The following ADAMTS19 variants were observed in gnomAD, a reference collection of about 807,000 sequenced individuals.
The protein encoded by ADAMTS19 is A disintegrin and metalloproteinase with thrombospondin motifs 19.
Under a neutral mutation model 153.3 loss-of-function variants are expected in ADAMTS19, and 93 were observed. The observed-to-expected ratio is 0.61, with a 90% CI of 0.51 to 0.72. The LOEUF (loss-of-function observed/expected upper bound fraction) is 0.72, where lower values mean the gene tolerates loss of function less well. Ranked by LOEUF, ADAMTS19 falls within the 30% of genes least tolerant of loss-of-function variation. The pLI, the probability that ADAMTS19 is intolerant of heterozygous loss-of-function variation, is 0.00. For synonymous variants in ADAMTS19, 600 were observed against 556.6 expected, an observed-to-expected ratio of 1.08 and a Z score of -1.10; for missense variants, 1,482 against 1,552.1, an observed-to-expected ratio of 0.95 and a Z score of 0.76.
intron 2 of ADAMTS19, among the ~76,000 whole-genome samples, chr5:129,490,060 GGGCAATTTGTACATTAATTTTTCA>G (rs1315467939): frequency 6.6e-6 from 1 of 152,106 alleles, no homozygotes; most frequent in Admixed American, 6.6e-5. Flanking sequence ...TTGTACTCAT[GGGCAATTTGTACATTAATTTTTCA>G]GGCAGATCTG....
At chr5:129,574,308 A>G (rs770865782) in intron 7 of ADAMTS19, among the ~76,000 whole-genome samples, 4 of 152,132 alleles carry the variant, frequency 2.6e-5, no homozygotes, top group Admixed American at 6.6e-5. Flanking sequence ...TATTTCTTCT[A>G]AAAATAAATA....
intron 2 of ADAMTS19, among the ~76,000 whole-genome samples, chr5:129,505,381 A>G (rs1024804387): frequency 6.6e-6 from 1 of 152,138 alleles, no homozygotes; most frequent in African/African-American, 2.4e-5. Flanking sequence ...TGTTCCTTCT[A>G]ACTTTTTAGT....
At chr5:129,698,437 G>A (rs978243112) in intron 19 of ADAMTS19, among the ~76,000 whole-genome samples, 1 of 152,120 alleles carries the variant, frequency 6.6e-6, no homozygotes, top group African/African-American at 2.4e-5. Context: ...GGCATTCTAT[G>A]GGTGAAATAT....
intron 6 of ADAMTS19, among the ~76,000 whole-genome samples, chr5:129,529,371 A>G (rs1254911486): frequency 6.6e-6 from 1 of 152,178 alleles, no homozygotes; most frequent in East Asian, 1.9e-4. Context: ...ATTTTCTGAA[A>G]TGAAATCATT....
intron 11 of ADAMTS19, among the ~76,000 whole-genome samples, chr5:129,645,885 A>ATTTTTTTTTTT (rs529444004): frequency 1.6e-4 from 16 of 97,102 alleles, no homozygotes; most frequent in African/African-American, 4.9e-4. Flanking sequence ...TCCTTTTCCA[A>ATTTTTTTTTTT]TTTTTTTTTT....
intron 14 of ADAMTS19, among the ~76,000 whole-genome samples, chr5:129,656,417 A>G (rs1036385147): frequency 6.6e-6 from 1 of 152,254 alleles, no homozygotes; most frequent in Non-Finnish European, 1.5e-5. Flanking sequence ...CCAAAGCTGA[A>G]TGTAGCATTC....
intron 7 of ADAMTS19, among the ~76,000 whole-genome samples, chr5:129,571,860 A>G (rs72790612): frequency 0.086 from 13,028 of 151,870 alleles, 635 homozygotes; most frequent in Middle Eastern, 0.15. Flanking sequence ...CCACACAAAT[A>G]GGGGCCAATT....
intron 9 of ADAMTS19, among the ~76,000 whole-genome samples, chr5:129,621,569 G>C (rs1330735832): frequency 6.6e-6 from 1 of 152,122 alleles, no homozygotes; most frequent in Non-Finnish European, 1.5e-5. Flanking sequence ...GTCTAGAGAA[G>C]AGCACTCAGA....
Position 129,622,249 on chromosome 5 carries a change from T to G in ADAMTS19, c.1671T>G (p.Ser557=), listed in dbSNP as rs370566361. The G allele has an allele frequency of 6.2e-7, 1 of 1,614,058 alleles. No individual in the cohort carries two copies. Among genetic ancestry groups the G allele is most frequent in the Non-Finnish European group, 8.5e-7 (1 of 1,180,012 alleles). Reference sequence around the variant, plus strand: ...AAACAAATCCGCAGAGTGTCAATTCTGTGATGGTTCCCTCCAAGCTGCCAG... The same window carrying G: ...AAACAAATCCGCAGAGTGTCAATTCGGTGATGGTTCCCTCCAAGCTGCCAG... ...LLQTNPQSVN[S]VMVPSKLPGM... Residue 557 remains serine (S), a synonymous_variant, in exon 10 of 23, where the codon TCT becomes TCG. Coordinates refer to ENST00000274487, the MANE Select transcript of ADAMTS19 (RefSeq NM_133638.6).
At chr5:129,504,342 T>A (rs142090739) in intron 2 of ADAMTS19, among the ~76,000 whole-genome samples, 1 of 152,312 alleles carries the variant, frequency 6.6e-6, no homozygotes, top group East Asian at 1.9e-4. Flanking sequence ...TTAGTTATTA[T>A]GATATGCTAT....
intron 21 of ADAMTS19, among the ~76,000 whole-genome samples, chr5:129,711,130 G>A (rs899541105): frequency 2.6e-5 from 4 of 152,168 alleles, no homozygotes; most frequent in Non-Finnish European, 5.9e-5. Flanking sequence ...CAGGCTATTA[G>A]AGGGAAACTC....
chr5:129,485,457 G>A (rs1750557326), intron 2 of ADAMTS19, among the ~76,000 whole-genome samples: 1 of 151,810 alleles, frequency 6.6e-6, no homozygotes, highest in Non-Finnish European at 1.5e-5. Context: ...AAGAATAAAG[G>A]AAATAATATA....
In ADAMTS19 at chr5:129,623,964, TA is replaced by T. The variant is rs1257009539; in HGVS notation, c.1770+1629del. 5.9e-3 allele frequency among the ~76,000 whole-genome samples: 818 copies of T among 137,994 alleles called. 6 individuals carry two copies. Among genetic ancestry groups the T allele is most frequent in the African/African-American group, 0.016 (594 of 37,626 alleles). The allele number at this position is 137,994 out of a possible 152,430, so 90.5% of individuals were successfully genotyped here. A position where few individuals can be genotyped will look rare whatever the true frequency, so the allele number is the denominator to read the frequency against. On this transcript the variant is annotated intron_variant, in intron 10 of 22. Coordinates refer to ENST00000274487, the MANE Select transcript of ADAMTS19 (RefSeq NM_133638.6). ...TGAAACCCCATCTCTCCTAAAAATA[TA>T]AAAAAAAAAAAATTAGCTGGGCATG...
chr5:129,665,340 A>G (rs568451807), intron 15 of ADAMTS19, among the ~76,000 whole-genome samples, 159 bp from the exon 16 acceptor site: 1 of 152,252 alleles, frequency 6.6e-6, no homozygotes, highest in Admixed American at 6.5e-5. Context: ...ACTTCACTGG[A>G]AATCATGACA....
chr5:129,713,965 T>C, intron 21 of ADAMTS19, among the ~76,000 whole-genome samples: 1 of 147,864 alleles, frequency 6.8e-6, no homozygotes, highest in East Asian at 1.9e-4. Context: ...ATTTGTAAAA[T>C]GTACCAAAGT....
intron 21 of ADAMTS19, among the ~76,000 whole-genome samples, chr5:129,725,790 A>G (rs1198417526): frequency 6.6e-6 from 1 of 151,960 alleles, no homozygotes; most frequent in African/African-American, 2.4e-5. Flanking sequence ...TTTGTGTTTC[A>G]GGTTTACTTC....
chr5:129,701,266 A>G (rs1463691794), intron 19 of ADAMTS19, 122 bp from the exon 20 acceptor site: 2 of 1,071,202 alleles, frequency 1.9e-6, no homozygotes, highest in African/African-American at 1.6e-5. Context: ...TGTCAATTGG[A>G]CCTCTTTCCT....
intron 10 of ADAMTS19, among the ~76,000 whole-genome samples, chr5:129,623,891 C>T (rs143715407): frequency 0.038 from 5,774 of 151,554 alleles, 345 homozygotes; most frequent in African/African-American, 0.13. Context: ...GAGGCCGAGA[C>T]GGGCGGATCA....
chr5:129,712,222 T>C (rs1483983073), intron 21 of ADAMTS19, among the ~76,000 whole-genome samples: 1 of 152,128 alleles, frequency 6.6e-6, no homozygotes, highest in Non-Finnish European at 1.5e-5. Flanking sequence ...TCCCCTAAAA[T>C]AGAAAACTAT....
Sources: gnomAD v4.1 joint callset for allele counts (sites outside exome capture counted in the v4.1 genomes callset) on GRCh38, gnomAD v4.1.1 for gene constraint, MANE v1.5 for transcripts, NCBI Gene and HGNC (gene_info 2026-07-23, HGNC 2026-07-21) for gene names.